The following RAB27B variants were observed in gnomAD, a reference collection of about 807,000 sequenced individuals.
The protein encoded by RAB27B is ras-related protein Rab-27B.
A neutral mutation model predicts 24.6 loss-of-function variants in RAB27B; 15 were observed. The ratio of observed to expected loss-of-function variants is 0.61; its 90% CI spans 0.41 to 0.94. The LOEUF is 0.94. RAB27B is among the 40% of genes least tolerant of loss of function. The pLI, the probability that RAB27B is intolerant of heterozygous loss-of-function variation, is 0.00. For synonymous variants in RAB27B, 105 were observed against 92.5 expected, an observed-to-expected ratio of 1.14 and a Z score of -0.78; for missense variants, 261 against 266.8, an observed-to-expected ratio of 0.98 and a Z score of 0.15.
chr18:54,762,342 A>G (rs1180246866), intron 2 of RAB27B, among the ~76,000 whole-genome samples: 1 of 152,168 alleles, frequency 6.6e-6, no homozygotes, highest in African/African-American at 2.4e-5. Context: ...GAAGTGTGCC[A>G]CCAAGCCTGG....
chr18:54,783,594 T>C (rs1004385632), intron 2 of RAB27B, among the ~76,000 whole-genome samples: 2 of 152,088 alleles, frequency 1.3e-5, no homozygotes, highest in Admixed American at 6.6e-5. Flanking sequence ...TTACATATGA[T>C]TGTAACAAAC....
At chr18:54,868,036 G>A (rs1201046590) in intron 1 of RAB27B, among the ~76,000 whole-genome samples, 1 of 152,186 alleles carries the variant, frequency 6.6e-6, no homozygotes, top group East Asian at 1.9e-4. Flanking sequence ...TCTGGTGGGA[G>A]GTGTTTGGGT....
rs148672584 is a variant in RAB27B at position 54,783,026 on chromosome 18, C to T, written c.-20+64885C>T. 2.9e-3 allele frequency among the ~76,000 whole-genome samples: 434 copies of T among 152,040 alleles called. 6 individuals are homozygous for T. Among genetic ancestry groups the T allele is most frequent in the South Asian group, 0.028 (134 of 4,800 alleles). On this transcript the variant is annotated intron_variant, in intron 2 of 4. Transcript: ENST00000586570. ...AGGCTGGAGTGCAGTGGTGTGATCT[C>T]AGCTCACCACAACCTCCACTTCCTG...
intron 2 of RAB27B, among the ~76,000 whole-genome samples, chr18:54,720,739 C>T (rs1909334086): frequency 6.6e-6 from 1 of 151,970 alleles, no homozygotes; most frequent in Non-Finnish European, 1.5e-5. Context: ...AATGGTAGAC[C>T]TGTGGGAGAC....
intron 2 of RAB27B, among the ~76,000 whole-genome samples, chr18:54,743,018 CA>C (rs1474775389): frequency 6.6e-6 from 1 of 152,176 alleles, no homozygotes; most frequent in Non-Finnish European, 1.5e-5. Flanking sequence ...ACAAGATTTT[CA>C]AGCCTAGATA....
intron 1 of RAB27B, among the ~76,000 whole-genome samples, chr18:54,871,849 C>CAAAAAA (rs11388519): frequency 7.3e-4 from 63 of 85,950 alleles, no homozygotes; most frequent in African/African-American, 2.2e-3. Context: ...GACTCCATCT[C>CAAAAAA]AAAAAAAAAA....
chr18:54,720,999 G>C (rs1909342237), intron 2 of RAB27B, among the ~76,000 whole-genome samples: 6 of 152,116 alleles, frequency 3.9e-5, no homozygotes, highest in Admixed American at 3.9e-4. Context: ...ATCAGTTATA[G>C]TTGTGTGAAC....
intron 2 of RAB27B, among the ~76,000 whole-genome samples, chr18:54,796,490 A>G (rs188976392): frequency 6.6e-6 from 1 of 152,256 alleles, no homozygotes; most frequent in East Asian, 1.9e-4. Flanking sequence ...GTTCTCAGTG[A>G]GATGGGTGGG....
intron 2 of RAB27B, among the ~76,000 whole-genome samples, chr18:54,756,987 A>G (rs1908025341): frequency 1.3e-5 from 2 of 152,148 alleles, no homozygotes; most frequent in African/African-American, 4.8e-5. Flanking sequence ...TGGGGTTCAG[A>G]TAGTATGACA....
intron 2 of RAB27B, among the ~76,000 whole-genome samples, chr18:54,742,500 CATTTGTAATTT>C (rs1475239783): frequency 6.6e-6 from 1 of 152,160 alleles, no homozygotes; most frequent in Non-Finnish European, 1.5e-5. Context: ...TCATTTAAAT[CATTTGTAATTT>C]ATTTACTAAG....
chr18:54,844,714 G>T (rs893823052), intron 1 of RAB27B, among the ~76,000 whole-genome samples: 1 of 151,866 alleles, frequency 6.6e-6, no homozygotes, highest in East Asian at 1.9e-4. Flanking sequence ...GCCAAATTTA[G>T]GTCTACTTCT....
intron 2 of RAB27B, among the ~76,000 whole-genome samples, chr18:54,720,216 T>C (rs772735852): frequency 4.6e-5 from 7 of 152,134 alleles, no homozygotes; most frequent in African/African-American, 1.2e-4. Context: ...TTTGTTAGAA[T>C]GTACAATCAC....
intron 2 of RAB27B, among the ~76,000 whole-genome samples, chr18:54,763,758 T>TC (rs1255088861): frequency 6.6e-6 from 1 of 152,142 alleles, no homozygotes; most frequent in East Asian, 1.9e-4. Context: ...TTGTTTCTCC[T>TC]CCCCTGGGCA....
intron 1 of RAB27B, among the ~76,000 whole-genome samples, chr18:54,868,348 A>T (rs1177059673): frequency 6.6e-6 from 1 of 152,036 alleles, no homozygotes; most frequent in African/African-American, 2.4e-5. Flanking sequence ...GCCTTCCACT[A>T]TGATTGTAAT....
In RAB27B at chr18:54,822,152, TA is replaced by T. The variant is rs1910331057; in HGVS notation, c.-19-55413del. 3.3e-5 allele frequency among the ~76,000 whole-genome samples: 5 copies of T among 152,240 alleles called. No individual in the cohort carries two copies. The South Asian group carries it at 1.0e-3, about 32-fold the overall frequency. On this transcript the variant is annotated intron_variant, in intron 2 of 4. Coordinates refer to the RAB27B transcript ENST00000586570. Reference sequence around the variant, plus strand: ...TACCTTAAAAAAGAGATAGTTATCTTAACATTGGAGTCCTTATAGTTCTCTT... The same window carrying T: ...TACCTTAAAAAAGAGATAGTTATCTTACATTGGAGTCCTTATAGTTCTCTT...
At chr18:54,737,121 G>GA (rs34896812) in intron 2 of RAB27B, among the ~76,000 whole-genome samples, 39 of 150,626 alleles carry the variant, frequency 2.6e-4, no homozygotes, top group South Asian at 6.3e-4. Flanking sequence ...TCTCTCTGTG[G>GA]AAAAAAAAAC....
rs563603526 is a variant in RAB27B at position 54,836,392 on chromosome 18, C to T, written c.-20+7692C>T. Among the ~76,000 whole-genome samples the T allele has an allele frequency of 3.0e-4, 45 of 151,876 alleles. 1 individual carries two copies. In the East Asian group the frequency reaches 8.5e-3, roughly 29 times the overall value. ...ATGCATGAGGCCAGGGACCCAGAAACCAGTTTCCCATTCTTCAGTTCTAGA... is the reference window on the plus strand; with the variant it reads ...ATGCATGAGGCCAGGGACCCAGAAATCAGTTTCCCATTCTTCAGTTCTAGA... On this transcript the variant is annotated intron_variant, in intron 1 of 5. Coordinates refer to ENST00000262094, the MANE Select transcript of RAB27B (RefSeq NM_004163.4).
intron 1 of RAB27B, among the ~76,000 whole-genome samples, chr18:54,842,615 A>T (rs1261201234): frequency 1.3e-5 from 2 of 152,214 alleles, no homozygotes; most frequent in African/African-American, 4.8e-5. Flanking sequence ...CAAAGCAAAA[A>T]TCAAAACATT....
At chr18:54,837,021 C>T (rs900927534) in intron 1 of RAB27B, among the ~76,000 whole-genome samples, 2 of 151,646 alleles carry the variant, frequency 1.3e-5, no homozygotes, top group African/African-American at 2.4e-5. Flanking sequence ...TCATTAAGTG[C>T]CTACTATCTG....
Sources: gnomAD v4.1 joint callset for allele counts (sites outside exome capture counted in the v4.1 genomes callset) on GRCh38, gnomAD v4.1.1 for gene constraint, MANE v1.5 for transcripts, NCBI Gene and HGNC (gene_info 2026-07-23, HGNC 2026-07-21) for gene names.